CNBD2: variants seen among roughly 807,000 people sequenced by gnomAD.
CNBD2 encodes cyclic nucleotide-binding domain-containing protein 2.
Under a neutral mutation model 63.7 loss-of-function variants are expected in CNBD2, and 64 were observed. That is an observed-to-expected ratio of 1.00 (90% CI 0.82 to 1.24). CNBD2 has a LOEUF of 1.24. Among genes scored for constraint, CNBD2 ranks in the 50% most tolerant of loss-of-function variants. CNBD2 has a pLI of 0.00. For synonymous variants in CNBD2, 229 were observed against 255.4 expected, an observed-to-expected ratio of 0.90 and a Z score of 0.99; for missense variants, 691 against 713.5, an observed-to-expected ratio of 0.97 and a Z score of 0.36.
chr20:35,967,669 G>A (rs750533244), upstream of CNBD2, among the ~76,000 whole-genome samples: 2 of 151,834 alleles, frequency 1.3e-5, no homozygotes, highest in African/African-American at 2.4e-5. Context: ...CCTGGGCAAC[G>A]TGGTGAAAGC....
intron 2 of CNBD2, among the ~76,000 whole-genome samples, chr20:35,961,363 T>G (rs2056308084): frequency 6.6e-6 from 1 of 152,234 alleles, no homozygotes; most frequent in South Asian, 2.1e-4. Flanking sequence ...TGGTTATTTT[T>G]AAAATCCCTT....
intron 1 of CNBD2, among the ~76,000 whole-genome samples, chr20:35,971,114 A>T (rs1284197376): frequency 6.7e-6 from 1 of 150,152 alleles, no homozygotes; most frequent in Non-Finnish European, 1.5e-5. Context: ...CGCCCGGCTA[A>T]TTTTTTGTAT....
At chr20:36,022,693 C>T (rs1432534101) in intron 10 of CNBD2, among the ~76,000 whole-genome samples, 2 of 151,634 alleles carry the variant, frequency 1.3e-5, no homozygotes, top group African/African-American at 2.4e-5. Flanking sequence ...TGCAGTGGCG[C>T]GATCTTGGCT....
chr20:35,989,868 A>G (rs559741470), intron 7 of CNBD2, among the ~76,000 whole-genome samples: 2 of 126,034 alleles, frequency 1.6e-5, no homozygotes, highest in South Asian at 3.3e-4. Context: ...TGAGAGAGGG[A>G]GAGAGAGAGA....
At chr20:36,003,095 C>A (rs1048595885) in intron 8 of CNBD2, among the ~76,000 whole-genome samples, 2 of 151,784 alleles carry the variant, frequency 1.3e-5, no homozygotes, top group African/African-American at 4.8e-5. Flanking sequence ...GTGTACTTTT[C>A]ATTTTAGACA....
intron 7 of CNBD2, among the ~76,000 whole-genome samples, chr20:35,989,936 G>T (rs1420180361): frequency 1.3e-4 from 19 of 151,270 alleles, no homozygotes; most frequent in Non-Finnish European, 2.9e-5. Flanking sequence ...AAAGAAGAAA[G>T]GAAGGAAGGA....
At chr20:35,984,508 C>G in intron 5 of CNBD2, 119 bp from the exon 6 acceptor site, 1 of 1,076,430 alleles carries the variant, frequency 9.3e-7, no homozygotes, top group Non-Finnish European at 1.3e-6. Context: ...GGCTAGGGAA[C>G]ACACAGTCTG....
intron 10 of CNBD2, among the ~76,000 whole-genome samples, chr20:36,017,417 C>A (rs1397903783): frequency 6.6e-6 from 1 of 152,168 alleles, no homozygotes; most frequent in Non-Finnish European, 1.5e-5. Flanking sequence ...CTCCTTCCCT[C>A]CACTCACACC....
chr20:35,954,479 AG>A (rs2056227074), upstream of CNBD2: 1 of 1,546,532 alleles, frequency 6.5e-7, no homozygotes, highest in Non-Finnish European at 8.7e-7. Flanking sequence ...GGCAGCCGGA[AG>A]CGAAAGTCTC....
rs755907728 is a variant in CNBD2, at chr20:36,030,532, A to T, written c.1615A>T (p.Lys539Ter). Residue 539 changes from lysine to a stop codon, truncating the protein, a stop_gained, in exon 12 of 12, where the codon AAG becomes TAG. Coordinates refer to ENST00000373973, the MANE Select transcript of CNBD2 (RefSeq NM_001365709.1). LOFTEE classifies it low-confidence loss of function (END_TRUNC). ...GGTCCTGGATTTGTGCAGCATCAAC[A>T]AGACGACTAAACCTCGTTATCCTAT... is the stretch of plus-strand genomic sequence containing the variant. ...SVVLDLCSINKTTKPRYPIFM... is the reference protein window; with the variant it reads ...SVVLDLCSIN 4 of 1,614,068 alleles carry T rather than the reference A, an allele frequency of 2.5e-6. No homozygotes were observed. The highest frequency in any genetic ancestry group is 3.4e-6 in the Non-Finnish European group (4 of 1,180,040).
intron 11 of CNBD2, among the ~76,000 whole-genome samples, chr20:36,029,696 T>C (rs913999171): frequency 7.9e-5 from 12 of 152,368 alleles, no homozygotes; most frequent in African/African-American, 2.9e-4. Context: ...GTTGACTTTA[T>C]CTTTGTCGAT....
At chr20:35,954,432 A>G (rs1469093429), upstream of CNBD2, 1 of 1,549,926 alleles carries the variant, frequency 6.5e-7, no homozygotes, top group African/African-American at 1.4e-5. Context: ...ACCGGCCGAG[A>G]GTGTGCGGAG....
intron 3 of CNBD2, among the ~76,000 whole-genome samples, chr20:35,976,442 T>A (rs1601024442): frequency 1.3e-5 from 2 of 152,196 alleles, no homozygotes; most frequent in East Asian, 3.8e-4. Flanking sequence ...TCAGATACCC[T>A]TAAAGAGTCT....
At position 35,974,839 on chromosome 20, in the gene CNBD2, G is replaced by T. The variant is rs544811681; in HGVS notation, c.190-1110G>T. On this transcript the variant is annotated intron_variant, in intron 2 of 11. Coordinates refer to ENST00000373973, the MANE Select transcript of CNBD2 (RefSeq NM_001365709.1). ...GACTTGCTGTGTGATCCTTGGGCAAGTTCCTTCACCATCTCAGTCCTACAT... is the reference window on the plus strand; with the variant it reads ...GACTTGCTGTGTGATCCTTGGGCAATTTCCTTCACCATCTCAGTCCTACAT... The T allele has an allele frequency of 5.3e-5, 8 of 152,334 alleles. No homozygotes were observed. The East Asian group carries it at 1.5e-3, about 29-fold the overall frequency. The allele number at this position is 152,334 out of a possible 1,614,324, so 9.4% of individuals were successfully genotyped here.
At chr20:36,008,583 C>G in intron 9 of CNBD2, 109 bp downstream of exon 9, 1 of 1,106,930 alleles carries the variant, frequency 9.0e-7, no homozygotes, top group Non-Finnish European at 1.3e-6. Flanking sequence ...AGGTGGAGGA[C>G]ACAGGTCAAT....
chr20:36,022,014 C>CTT (rs11453771), intron 10 of CNBD2, among the ~76,000 whole-genome samples: 72 of 143,518 alleles, frequency 5.0e-4, no homozygotes, highest in African/African-American at 1.8e-3. Context: ...TTTTATTTTA[C>CTT]TTTTTTTTTT....
At chr20:36,002,293 A>C (rs1471427369) in intron 8 of CNBD2, among the ~76,000 whole-genome samples, 7 of 152,238 alleles carry the variant, frequency 4.6e-5, no homozygotes, top group Non-Finnish European at 8.8e-5. Context: ...GGCACTTGGC[A>C]GGCTGAGGCA....
At chr20:35,956,712 G>C (rs1403834834), downstream of CNBD2, among the ~76,000 whole-genome samples, 2 of 152,206 alleles carry the variant, frequency 1.3e-5, no homozygotes, top group African/African-American at 4.8e-5. Context: ...TGTGGTAACA[G>C]GTACTCAGTT....
chr20:35,989,099 A>G (rs2056707592), intron 7 of CNBD2, among the ~76,000 whole-genome samples: 1 of 152,186 alleles, frequency 6.6e-6, no homozygotes, highest in Non-Finnish European at 1.5e-5. Context: ...TAGTATTGTC[A>G]TTATTCCCAT....
Sources: gnomAD v4.1 joint callset for allele counts (sites outside exome capture counted in the v4.1 genomes callset) on GRCh38, gnomAD v4.1.1 for gene constraint, MANE v1.5 for transcripts, NCBI Gene and HGNC (gene_info 2026-07-23, HGNC 2026-07-21) for gene names.